Variants in PTPRN2 observed in about 807,000 individuals in gnomAD.
PTPRN2 encodes protein tyrosine phosphatase receptor type N2, also known as receptor-type tyrosine-protein phosphatase N2.
PTPRN2 carries 74 observed loss-of-function variants against 118.8 expected under a neutral mutation model. The ratio of observed to expected loss-of-function variants is 0.62; its 90% CI spans 0.52 to 0.76. The LOEUF (loss-of-function observed/expected upper bound fraction) is 0.76, where lower values mean the gene tolerates loss of function less well. Ranked by LOEUF, PTPRN2 falls within the 30% of genes least tolerant of loss-of-function variation. The pLI is 0.00. For missense variants in PTPRN2, 1,481 were observed against 1,394.4 expected (o/e 1.06, Z -0.99); for synonymous variants, 641 against 608.0 (o/e 1.05, Z -0.80).
At chr7:157,920,109 G>C (rs1482847885) in intron 11 of PTPRN2, among the ~76,000 whole-genome samples, 2 of 152,176 alleles carry the variant, frequency 1.3e-5, no homozygotes, top group Admixed American at 6.6e-5. Context: ...ATTGCCAGAT[G>C]AAACATTTAT....
chr7:158,098,689 G>C (rs1454936488), intron 10 of PTPRN2, among the ~76,000 whole-genome samples: 2 of 152,194 alleles, frequency 1.3e-5, no homozygotes, highest in Admixed American at 1.3e-4. Flanking sequence ...AAGGTGAATG[G>C]GGTTGCTTGG....
intron 10 of PTPRN2, among the ~76,000 whole-genome samples, chr7:158,089,697 GGGTCTTC>G: frequency 2.1e-5 from 3 of 145,486 alleles, no homozygotes; most frequent in Admixed American, 1.3e-4. Flanking sequence ...ATGAAAGAGG[GGGTCTTC>G]ACACACATCC....
intron 1 of PTPRN2, among the ~76,000 whole-genome samples, chr7:158,527,111 G>C (rs1277671709): frequency 6.6e-6 from 1 of 152,132 alleles, no homozygotes; most frequent in Non-Finnish European, 1.5e-5. Flanking sequence ...GCCTGGGAGA[G>C]CATCCCTCCG....
chr7:157,661,017 G>A (rs1049665311), intron 13 of PTPRN2, among the ~76,000 whole-genome samples: 2 of 152,240 alleles, frequency 1.3e-5, no homozygotes, highest in African/African-American at 2.4e-5. Context: ...GCCTCGCAAA[G>A]TGTTGGGATT....
chr7:157,828,829 TAAC>T (rs1373179445), intron 12 of PTPRN2, among the ~76,000 whole-genome samples: 21 of 152,376 alleles, frequency 1.4e-4, no homozygotes, highest in African/African-American at 4.6e-4. Context: ...TGGAGAATTT[TAAC>T]AACGCCACTC....
At chr7:157,834,184 T>A (rs1807778664) in intron 12 of PTPRN2, among the ~76,000 whole-genome samples, 1 of 115,538 alleles carries the variant, frequency 8.7e-6, no homozygotes. Context: ...GCACTCCCTG[T>A]GATCAATCCA....
rs1388842339 is a variant in PTPRN2 at position 157,874,013 on chromosome 7, A to AGAGCTCTCGGGAC, written c.1788+24647_1788+24659dup. On this transcript the variant is annotated intron_variant, in intron 12 of 22. Transcript: ENST00000389418. This position sits in a 1 kb window ranked among gnomAD's most constrained non-coding sequence, Gnocchi z 5.8. ...CCCAGGACCCTGAGCAGCCTCGGGA[A>AGAGCTCTCGGGAC]GAGCTCTCGGGACCTCGGGGGAGTG... Among the ~76,000 whole-genome samples, 3 of 152,174 alleles carry AGAGCTCTCGGGAC rather than the reference A, an allele frequency of 2.0e-5. No individual in the cohort carries two copies. The highest frequency in any genetic ancestry group is 4.4e-5 in the Non-Finnish European group (3 of 68,018).
At chr7:158,493,938 T>C (rs546951104) in intron 1 of PTPRN2, among the ~76,000 whole-genome samples, 18 of 152,392 alleles carry the variant, frequency 1.2e-4, no homozygotes, top group African/African-American at 4.3e-4. Flanking sequence ...GGTACACTCA[T>C]GCATGCTGAT....
intron 2 of PTPRN2, among the ~76,000 whole-genome samples, chr7:158,462,488 T>C (rs1819078296): frequency 6.6e-6 from 1 of 152,176 alleles, no homozygotes; most frequent in Non-Finnish European, 1.5e-5. Context: ...AGAGATGATA[T>C]GTGAAAATTA....
At chr7:157,657,591 A>G (rs201831906) in intron 13 of PTPRN2, among the ~76,000 whole-genome samples, 12 of 72,802 alleles carry the variant, frequency 1.6e-4, no homozygotes, top group East Asian at 3.8e-4. Context: ...ACACACATAC[A>G]CCACACACAC....
At chr7:157,725,735 CACCTCCCA>C (rs2150926636) in intron 12 of PTPRN2, among the ~76,000 whole-genome samples, 6 of 63,120 alleles carry the variant, frequency 9.5e-5, no homozygotes, top group East Asian at 3.5e-4. Context: ...GCCAGACCCT[CACCTCCCA>C]GGAGAACTGG....
chr7:157,823,531 A>G (rs1338839443), intron 12 of PTPRN2, among the ~76,000 whole-genome samples: 1 of 152,186 alleles, frequency 6.6e-6, no homozygotes, highest in Non-Finnish European at 1.5e-5. Flanking sequence ...ATGTGGAGAT[A>G]TCCAGAATGG....
At chr7:157,688,885 A>G (rs1204127614) in intron 12 of PTPRN2, among the ~76,000 whole-genome samples, 1 of 151,916 alleles carries the variant, frequency 6.6e-6, no homozygotes, top group African/African-American at 2.4e-5. Context: ...CACAGGAGTC[A>G]TAAAGATCAG....
chr7:157,744,349 G>A (rs1388382909), intron 12 of PTPRN2, among the ~76,000 whole-genome samples: 1 of 152,054 alleles, frequency 6.6e-6, no homozygotes, highest in Non-Finnish European at 1.5e-5. Context: ...AGGCTGGAAC[G>A]TCACCTAAGG....
intron 2 of PTPRN2, among the ~76,000 whole-genome samples, chr7:158,371,821 A>G (rs1193435527): frequency 6.6e-6 from 1 of 152,254 alleles, no homozygotes; most frequent in Non-Finnish European, 1.5e-5. Flanking sequence ...ATTAAAGATC[A>G]TATTTATAAA....
At chr7:158,186,404 G>A (rs1317768449) in intron 5 of PTPRN2, among the ~76,000 whole-genome samples, 1 of 152,172 alleles carries the variant, frequency 6.6e-6, no homozygotes, top group East Asian at 1.9e-4. Flanking sequence ...GGGGTGGGAG[G>A]AGAATGGGCT....
At chr7:158,082,078 T>C (rs142599089) in intron 10 of PTPRN2, among the ~76,000 whole-genome samples, 55 of 152,270 alleles carry the variant, frequency 3.6e-4, no homozygotes, top group Non-Finnish European at 5.1e-4. Flanking sequence ...ATGACAGCCA[T>C]AGATAGCTCT....
intron 5 of PTPRN2, among the ~76,000 whole-genome samples, chr7:158,171,170 A>C (rs1823568098): frequency 7.0e-6 from 1 of 142,920 alleles, no homozygotes; most frequent in Non-Finnish European, 1.5e-5. Context: ...ATACACACAT[A>C]TATACACATA....
rs60871802 is a variant in PTPRN2, at chr7:158,132,164, CCAAA to C, written c.1556+1509_1556+1512del. On this transcript the variant is annotated intron_variant, in intron 9 of 22. Transcript: ENST00000389418. ...ACGTACATACACAGATACACATCTA[CCAAA>C]CACACACACATATACACACACACGC... 9.0e-3 allele frequency among the ~76,000 whole-genome samples: 1,357 copies of C among 150,854 alleles called. 15 individuals are homozygous for C. The highest frequency in any genetic ancestry group is 0.031 in the African/African-American group (1,256 of 40,936).
Sources: allele counts gnomAD v4.1 joint callset (sites outside exome capture counted in the v4.1 genomes callset), GRCh38; gene constraint gnomAD v4.1.1; non-coding constraint Gnocchi (gnomAD v3.1); transcripts MANE v1.5; gene names NCBI Gene and HGNC (gene_info 2026-07-23, HGNC 2026-07-21).